Variants in KHDRBS3 observed in about 807,000 individuals in gnomAD.
KHDRBS3 encodes the protein KH domain-containing, RNA-binding, signal transduction-associated protein 3.
A neutral mutation model predicts 45.6 loss-of-function variants in KHDRBS3; 23 were observed. The ratio of observed to expected loss-of-function variants is 0.50; its 90% confidence interval spans 0.36 to 0.72. KHDRBS3 has a LOEUF of 0.72. Among genes scored for constraint, KHDRBS3 ranks in the 30% least tolerant of loss-of-function variants. The probability of loss-of-function intolerance (pLI) is 0.00; values close to 1 mark genes in which losing one functional copy is unlikely to be tolerated. For synonymous variants in KHDRBS3, 162 were observed against 156.5 expected, an observed-to-expected ratio of 1.04 and a Z score of -0.26; for missense variants, 352 against 424.8, an observed-to-expected ratio of 0.83 and a Z score of 1.51.
intron 1 of KHDRBS3, among the ~76,000 whole-genome samples, chr8:135,515,507 C>G (rs538628452): frequency 5.4e-5 from 8 of 149,442 alleles, no homozygotes; most frequent in African/African-American, 1.7e-4. Flanking sequence ...CCTTCCTACT[C>G]TGCTCTGTGC....
At chr8:135,604,698 C>T (rs1829375593) in intron 6 of KHDRBS3, among the ~76,000 whole-genome samples, 4 of 151,712 alleles carry the variant, frequency 2.6e-5, no homozygotes, top group African/African-American at 9.7e-5. Context: ...ACATTGCATA[C>T]CCATCAACAT....
intron 3 of KHDRBS3, among the ~76,000 whole-genome samples, chr8:135,546,172 C>G (rs1826292899): frequency 6.6e-6 from 1 of 151,732 alleles, no homozygotes; most frequent in Admixed American, 6.6e-5. Context: ...AAAAAAGATA[C>G]TACTAGTATC....
At chr8:135,479,740 A>G (rs1264591648) in intron 1 of KHDRBS3, among the ~76,000 whole-genome samples, 1 of 152,228 alleles carries the variant, frequency 6.6e-6, no homozygotes. Context: ...ATCACCTTGC[A>G]AGTCAAGTTT....
intron 7 of KHDRBS3, among the ~76,000 whole-genome samples, chr8:135,642,540 G>A (rs980984318): frequency 2.0e-5 from 3 of 152,166 alleles, no homozygotes. Flanking sequence ...TACCTCTGTG[G>A]AAAAATTGCA....
chr8:135,643,414 T>C (rs761794008), intron 7 of KHDRBS3, among the ~76,000 whole-genome samples: 6 of 152,200 alleles, frequency 3.9e-5, no homozygotes, highest in Admixed American at 6.5e-5. Flanking sequence ...CAGGGCATGC[T>C]GTCGTGGGAA....
chr8:135,611,377 A>G (rs1013267289), intron 7 of KHDRBS3, among the ~76,000 whole-genome samples: 7 of 151,984 alleles, frequency 4.6e-5, no homozygotes, highest in African/African-American at 1.5e-4. Context: ...CTGTAACTAT[A>G]TATTAGTATC....
intron 3 of KHDRBS3, among the ~76,000 whole-genome samples, chr8:135,544,676 T>C (rs1826202540): frequency 6.6e-6 from 1 of 152,210 alleles, no homozygotes; most frequent in Non-Finnish European, 1.5e-5. Context: ...ACTACCTGGC[T>C]GAATGCCAGC....
chr8:135,636,136 C>T (rs1298152589), intron 7 of KHDRBS3, among the ~76,000 whole-genome samples: 3 of 152,126 alleles, frequency 2.0e-5, no homozygotes, highest in Non-Finnish European at 2.9e-5. Context: ...AGTTATTTCA[C>T]GTAACAATGA....
At chr8:135,552,888 G>T (rs189200865) in intron 4 of KHDRBS3, among the ~76,000 whole-genome samples, 1 of 152,272 alleles carries the variant, frequency 6.6e-6, no homozygotes, top group East Asian at 1.9e-4. Flanking sequence ...CGATGATGGA[G>T]CTGTGTGTGT....
intron 1 of KHDRBS3, among the ~76,000 whole-genome samples, chr8:135,509,178 A>G (rs900601283): frequency 1.5e-4 from 23 of 152,228 alleles, no homozygotes; most frequent in Non-Finnish European, 3.1e-4. Context: ...GACTATCCCA[A>G]TAGAATTCCA....
intron 1 of KHDRBS3, among the ~76,000 whole-genome samples, chr8:135,496,389 C>T (rs7018240): frequency 0.11 from 15,985 of 151,686 alleles, 936 homozygotes; most frequent in East Asian, 0.18. Context: ...CATGCCATGT[C>T]ACCCGGCTAA....
At chr8:135,540,257 G>C (rs775394477) in intron 2 of KHDRBS3, 4 of 152,156 alleles carry the variant, frequency 2.6e-5, no homozygotes, top group Non-Finnish European at 4.4e-5. Context: ...TGGTAACGGA[G>C]ACCAGAGAAA....
chr8:135,466,259 G>A (rs1287449548), intron 1 of KHDRBS3, among the ~76,000 whole-genome samples: 2 of 152,188 alleles, frequency 1.3e-5, no homozygotes, highest in African/African-American at 4.8e-5. Context: ...CCTGAGGTAT[G>A]CCTGGCACTG....
Position 135,573,092 on chromosome 8 carries a change from G to A in KHDRBS3, c.612-8786G>A, listed in dbSNP as rs1043077494. 1.1e-4 allele frequency among the ~76,000 whole-genome samples: 17 copies of A among 152,158 alleles called. 1 individual carries two copies. The South Asian group carries it at 1.9e-3, about 17-fold the overall frequency. On this transcript the variant is annotated intron_variant, in intron 5 of 8. Coordinates refer to ENST00000355849, the MANE Select transcript of KHDRBS3 (RefSeq NM_006558.3). ...CTGTGACCCCTGATAGAAGACTAAG[G>A]CCCTGTCACTAGATCTTGCAGGCCC...
chr8:135,511,326 A>G (rs1490078495), intron 1 of KHDRBS3, among the ~76,000 whole-genome samples: 1 of 152,164 alleles, frequency 6.6e-6, no homozygotes, highest in East Asian at 1.9e-4. Flanking sequence ...TCCAGCTGCT[A>G]ATATCATTGT....
intron 4 of KHDRBS3, among the ~76,000 whole-genome samples, chr8:135,654,924 G>A (rs1223831720): frequency 1.3e-5 from 2 of 152,178 alleles, no homozygotes; most frequent in African/African-American, 2.4e-5. Context: ...TCAGCCAAAA[G>A]AGCCTTCTCT....
chr8:135,481,223 G>GATATATATATATATATATATATAT (rs10529846), intron 1 of KHDRBS3, among the ~76,000 whole-genome samples: 39 of 77,354 alleles, frequency 5.0e-4, no homozygotes, highest in African/African-American at 1.8e-3. Context: ...TGAAAGCCAC[G>GATATATATATATATATATATATAT]ATATATATAT....
chr8:135,620,097 G>A (rs1346940102), intron 7 of KHDRBS3, among the ~76,000 whole-genome samples: 1 of 150,106 alleles, frequency 6.7e-6, no homozygotes, highest in Non-Finnish European at 1.5e-5. Flanking sequence ...AATTGAGACA[G>A]GGTATCAATC....
At chr8:135,639,048 A>G (rs1200782705) in intron 7 of KHDRBS3, among the ~76,000 whole-genome samples, 1 of 152,186 alleles carries the variant, frequency 6.6e-6, no homozygotes, top group East Asian at 1.9e-4. Context: ...AAGTGAAGAA[A>G]GTATGTCAAG....
Sources: allele counts gnomAD v4.1 joint callset (sites outside exome capture counted in the v4.1 genomes callset), GRCh38; gene constraint gnomAD v4.1.1; transcripts MANE v1.5; gene names NCBI Gene and HGNC (gene_info 2026-07-23, HGNC 2026-07-21).